Variants in EVL observed in about 807,000 individuals in gnomAD.
The protein encoded by EVL is Enah/Vasp-like.
In EVL, 21 loss-of-function variants were observed where a neutral mutation model predicts 59.6. That is an observed-to-expected ratio of 0.35 (90% CI 0.25 to 0.51). EVL has a LOEUF of 0.51. Among genes scored for constraint, EVL ranks in the 20% least tolerant of loss-of-function variants. EVL has a pLI of 0.97. For missense variants in EVL, 462 were observed against 546.6 expected (o/e 0.85, Z 1.54); for synonymous variants, 198 against 203.5 (o/e 0.97, Z 0.23).
At chr14:100,077,895 C>A (rs1288652715) in intron 1 of EVL, among the ~76,000 whole-genome samples, 3 of 152,188 alleles carry the variant, frequency 2.0e-5, no homozygotes, top group Non-Finnish European at 2.9e-5. Flanking sequence ...GCCTCAGCCT[C>A]CGGAGTAGCT....
At chr14:100,027,965 G>A (rs1346169168) in intron 1 of EVL, among the ~76,000 whole-genome samples, 12 of 152,132 alleles carry the variant, frequency 7.9e-5, no homozygotes, top group East Asian at 3.8e-4. Flanking sequence ...ATGAGCCACC[G>A]CACCCAGACT....
chr14:99,987,522 A>G (rs2060847174), intron 1 of EVL, among the ~76,000 whole-genome samples: 1 of 152,172 alleles, frequency 6.6e-6, no homozygotes, highest in East Asian at 1.9e-4. Context: ...CACGCCTGTA[A>G]TCCCAGCTAC....
intron 5 of EVL, among the ~76,000 whole-genome samples, 176 bp downstream of exon 5, chr14:100,126,947 C>T (rs999548271): frequency 6.6e-6 from 1 of 152,186 alleles, no homozygotes; most frequent in African/African-American, 2.4e-5. Context: ...AGAGCAGAGG[C>T]TTGGGGAGTC....
rs1167094158 is a variant in EVL at position 100,080,456 on chromosome 14, G to A, written c.12-4231G>A. ...CTCAGCGAGTACTCAGCGCTTGTCTGAGGGAGCTCTTGAGGTCAGACTCAC... is the reference window on the plus strand; with the variant it reads ...CTCAGCGAGTACTCAGCGCTTGTCTAAGGGAGCTCTTGAGGTCAGACTCAC... On this transcript the variant is annotated intron_variant, in intron 1 of 13. Coordinates refer to ENST00000392920, the MANE Select transcript of EVL (RefSeq NM_016337.3). 7.9e-5 allele frequency among the ~76,000 whole-genome samples: 12 copies of A among 152,208 alleles called. 1 individual carries two copies. Among genetic ancestry groups the A allele is most frequent in the Admixed American group, 7.8e-4 (12 of 15,292 alleles).
intron 1 of EVL, among the ~76,000 whole-genome samples, chr14:99,994,211 T>A: frequency 6.6e-6 from 1 of 151,178 alleles, no homozygotes; most frequent in East Asian, 1.9e-4. Flanking sequence ...GGATTCTGGT[T>A]TTCTATCCAT....
At position 100,094,702 on chromosome 14, in the gene EVL, C is replaced by T. The variant is rs578110839; in HGVS notation, c.181-2779C>T. On this transcript the variant is annotated intron_variant, in intron 2 of 13. Coordinates refer to ENST00000392920, the MANE Select transcript of EVL (RefSeq NM_016337.3). Reference sequence around the variant, plus strand: ...GAGGCTGCAGTGAGCCAAGATCGTGCCACTGCACTCCAGCCTGGGCGACAG... The same window carrying T: ...GAGGCTGCAGTGAGCCAAGATCGTGTCACTGCACTCCAGCCTGGGCGACAG... Among the ~76,000 whole-genome samples the T allele has an allele frequency of 3.3e-5, 5 of 151,940 alleles. No homozygotes were observed. The East Asian group carries it at 9.7e-4, about 29-fold the overall frequency.
chr14:99,975,644 C>T (rs546151817), intron 1 of EVL, among the ~76,000 whole-genome samples: 18 of 152,186 alleles, frequency 1.2e-4, no homozygotes, highest in East Asian at 1.9e-4. Context: ...GGATCCCTTG[C>T]GTGCACAGTT....
intron 1 of EVL, among the ~76,000 whole-genome samples, chr14:100,054,864 C>T (rs930309747): frequency 6.6e-6 from 1 of 152,114 alleles, no homozygotes; most frequent in Non-Finnish European, 1.5e-5. Context: ...TATAAATTAA[C>T]ACCCAGGCAC....
intron 2 of EVL, among the ~76,000 whole-genome samples, chr14:100,087,579 A>C (rs563638297): frequency 2.6e-5 from 4 of 152,366 alleles, no homozygotes; most frequent in Non-Finnish European, 5.9e-5. Flanking sequence ...GCGCCACTGC[A>C]TTCCAGCCTG....
At chr14:100,126,799 C>A (rs765279757) in intron 5 of EVL, 28 bp downstream of exon 5, 2 of 1,608,416 alleles carry the variant, frequency 1.2e-6, no homozygotes, top group South Asian at 2.2e-5. Flanking sequence ...CTAGGGCCGA[C>A]TCCCATGCTG....
At chr14:100,107,609 G>A (rs1886653268) in intron 3 of EVL, 1 of 270,270 alleles carries the variant, frequency 3.7e-6, no homozygotes, top group Non-Finnish European at 6.9e-6. Flanking sequence ...AGAGGGCCGA[G>A]GTGCATGGAA....
At chr14:100,080,659 T>C (rs2062279442) in intron 1 of EVL, among the ~76,000 whole-genome samples, 1 of 152,174 alleles carries the variant, frequency 6.6e-6, no homozygotes, top group Admixed American at 6.5e-5. Context: ...GACAGGGGAA[T>C]TGGACTGCTT....
intron 1 of EVL, among the ~76,000 whole-genome samples, chr14:99,980,071 A>G (rs912306512): frequency 6.6e-6 from 1 of 152,222 alleles, no homozygotes; most frequent in Non-Finnish European, 1.5e-5. Context: ...GCTATATGCA[A>G]ATATGACTCC....
chr14:100,033,721 A>G (rs896295860), intron 1 of EVL, among the ~76,000 whole-genome samples: 15 of 152,246 alleles, frequency 9.9e-5, no homozygotes, highest in Non-Finnish European at 5.9e-5. Context: ...TAAGAGCCCT[A>G]TGAGATAGCT....
chr14:100,120,303 T>C (rs943148399), intron 3 of EVL, among the ~76,000 whole-genome samples: 1 of 152,156 alleles, frequency 6.6e-6, no homozygotes, highest in African/African-American at 2.4e-5. Context: ...CCTCTCCCCT[T>C]CCTGACTTAG....
intron 1 of EVL, among the ~76,000 whole-genome samples, chr14:100,012,686 A>AG (rs777322615): frequency 1.3e-5 from 2 of 152,182 alleles, no homozygotes; most frequent in Non-Finnish European, 2.9e-5. Context: ...GGATGAGGCA[A>AG]GGGCCCCCCT....
intron 1 of EVL, among the ~76,000 whole-genome samples, chr14:100,048,182 A>G (rs1263119634): frequency 1.3e-5 from 2 of 152,214 alleles, no homozygotes; most frequent in African/African-American, 4.8e-5. Context: ...ATTAAAAACT[A>G]TTATTCTGTG....
chr14:100,102,711 C>G (rs1886299756), intron 3 of EVL, among the ~76,000 whole-genome samples: 1 of 152,164 alleles, frequency 6.6e-6, no homozygotes, highest in African/African-American at 2.4e-5. Flanking sequence ...CCACCCGTTC[C>G]TCTTCTCTCC....
chr14:100,081,891 G>T (rs1251292413), intron 1 of EVL, among the ~76,000 whole-genome samples: 1 of 152,192 alleles, frequency 6.6e-6, no homozygotes, highest in Non-Finnish European at 1.5e-5. Flanking sequence ...CTTGAGGCTG[G>T]GAGTTCAAGA....
Sources: allele counts gnomAD v4.1 joint callset (sites outside exome capture counted in the v4.1 genomes callset), GRCh38; gene constraint gnomAD v4.1.1; transcripts MANE v1.5; gene names NCBI Gene and HGNC (gene_info 2026-07-23, HGNC 2026-07-21).